Variants in NAV3 observed in about 807,000 individuals in gnomAD.
The protein encoded by NAV3 is neuron navigator 3.
NAV3 carries 87 observed loss-of-function variants against 244.7 expected under a neutral mutation model. The observed-to-expected ratio is 0.36, with a 90% CI of 0.30 to 0.42. The LOEUF (loss-of-function observed/expected upper bound fraction) is 0.42, where lower values mean the gene tolerates loss of function less well. Among genes scored for constraint, NAV3 ranks in the 20% least tolerant of loss-of-function variants. The pLI is 1.00. For synonymous variants in NAV3, 1,126 were observed against 1,042.2 expected (o/e 1.08, Z -1.55); for missense variants, 2,663 against 2,893.3 (o/e 0.92, Z 1.83).
At chr12:77,669,356 C>G (rs752804608) in intron 2 of NAV3, among the ~76,000 whole-genome samples, 1 of 152,060 alleles carries the variant, frequency 6.6e-6, no homozygotes, top group South Asian at 2.1e-4. Flanking sequence ...CATCTCCATA[C>G]TAACATTGAA....
chr12:77,682,352 A>C lies in NAV3; in HGVS notation c.72+110086A>C, dbSNP rs78432699. Among the ~76,000 whole-genome samples, 1,470 of 152,324 alleles carry C rather than the reference A, an allele frequency of 9.7e-3. 19 individuals carry two copies. Among genetic ancestry groups the C allele is most frequent in the Non-Finnish European group, 0.016 (1,084 of 68,028 alleles). ...AGAATTTCCTTCTTTTCAAAGGCTA[A>C]ATAGTATCCCATTGTGTATAGGTAT... On this transcript the variant is annotated intron_variant, in intron 2 of 8. Coordinates refer to the NAV3 transcript ENST00000550042.
intron 1 of NAV3, among the ~76,000 whole-genome samples, chr12:77,914,170 T>G (rs1486215202): frequency 1.3e-5 from 2 of 152,122 alleles, no homozygotes; most frequent in Non-Finnish European, 2.9e-5. Context: ...GTGCCAATTT[T>G]TAAACTGCCT....
chr12:77,848,921 C>T (rs921316911), intron 1 of NAV3, among the ~76,000 whole-genome samples: 1 of 152,114 alleles, frequency 6.6e-6, no homozygotes, highest in African/African-American at 2.4e-5. Context: ...TTCATATGTA[C>T]TTGAAAGAGA....
intron 2 of NAV3, among the ~76,000 whole-genome samples, chr12:77,665,734 G>T (rs1218307205): frequency 6.6e-6 from 1 of 152,072 alleles, no homozygotes. Flanking sequence ...CCTATTTATA[G>T]TTGAAGCAAC....
chr12:77,763,215 A>G (rs1003542599), intron 2 of NAV3, among the ~76,000 whole-genome samples: 2 of 152,146 alleles, frequency 1.3e-5, no homozygotes, highest in African/African-American at 4.8e-5. Context: ...TGCAAGGAAT[A>G]TTGGTCCCTT....
intron 5 of NAV3, among the ~76,000 whole-genome samples, chr12:77,976,666 C>CTT (rs1295751885): frequency 1.7e-4 from 10 of 58,060 alleles, no homozygotes; most frequent in Admixed American, 1.5e-3. Context: ...TTCTTTCTTT[C>CTT]TTTTTTTCTT....
chr12:77,932,968 C>T (rs1888955002), intron 1 of NAV3, among the ~76,000 whole-genome samples: 1 of 152,128 alleles, frequency 6.6e-6, no homozygotes, highest in South Asian at 2.1e-4. Context: ...TATGCTTTCC[C>T]CTTCCTTCTG....
intron 7 of NAV3, among the ~76,000 whole-genome samples, chr12:78,000,499 ATTTTT>A (rs1202996900): frequency 9.7e-6 from 1 of 103,294 alleles, no homozygotes; most frequent in Non-Finnish European, 1.9e-5. Flanking sequence ...CACTTAAAAC[ATTTTT>A]TTTTTTTTTT....
intron 12 of NAV3, among the ~76,000 whole-genome samples, chr12:78,067,528 C>A (rs1708919878): frequency 6.6e-6 from 1 of 152,036 alleles, no homozygotes; most frequent in African/African-American, 2.4e-5. Flanking sequence ...TTGTGAATAA[C>A]CTCAGAGGCT....
chr12:77,785,842 T>G (rs913285152), intron 2 of NAV3, among the ~76,000 whole-genome samples: 19 of 152,204 alleles, frequency 1.2e-4, no homozygotes, highest in African/African-American at 4.6e-4. Flanking sequence ...TGACATGCTT[T>G]GGAAACCCAA....
At chr12:78,169,673 T>A (rs1957923960) in intron 24 of NAV3, among the ~76,000 whole-genome samples, 1 of 151,770 alleles carries the variant, frequency 6.6e-6, no homozygotes. Context: ...AGTCTTTCAA[T>A]GTCTTCAGCC....
intron 1 of NAV3, among the ~76,000 whole-genome samples, chr12:77,938,126 G>C (rs1428233861): frequency 6.6e-6 from 1 of 152,082 alleles, no homozygotes; most frequent in Non-Finnish European, 1.5e-5. Flanking sequence ...TTTGCCTATG[G>C]ACAGATCGGC....
intron 2 of NAV3, among the ~76,000 whole-genome samples, chr12:77,780,791 TTAAG>T (rs1870626600): frequency 6.6e-6 from 1 of 152,138 alleles, no homozygotes; most frequent in South Asian, 2.1e-4. Flanking sequence ...GTAAGTTTTC[TTAAG>T]TAAGTTCTCT....
intron 2 of NAV3, among the ~76,000 whole-genome samples, chr12:77,639,607 C>T (rs1872307613): frequency 6.6e-6 from 1 of 152,088 alleles, no homozygotes; most frequent in African/African-American, 2.4e-5. Context: ...AAGGTACACA[C>T]ATTTATTATT....
intron 2 of NAV3, among the ~76,000 whole-genome samples, chr12:77,606,011 C>T (rs808856): frequency 0.041 from 6,279 of 152,162 alleles, 157 homozygotes; most frequent in Middle Eastern, 0.054. Context: ...ATTTTACTAC[C>T]TTGGTTTTTT....
At chr12:77,715,090 A>T (rs1050875792) in intron 2 of NAV3, among the ~76,000 whole-genome samples, 1 of 152,050 alleles carries the variant, frequency 6.6e-6, no homozygotes, top group African/African-American at 2.4e-5. Context: ...AGCAAGAACT[A>T]TAAAAACTTA....
intron 2 of NAV3, among the ~76,000 whole-genome samples, chr12:77,807,356 T>C (rs1872036215): frequency 6.6e-6 from 1 of 152,210 alleles, no homozygotes; most frequent in African/African-American, 2.4e-5. Flanking sequence ...CAGGAGCTCT[T>C]GTAAGACAGG....
In NAV3 at chr12:78,031,792, G is replaced by T. The variant is rs968827822; in HGVS notation, c.2023+9930G>T. ...GGAGATATACCTAATGCTAGATGAC[G>T]AGTTAGTGGGTGCAGCGCACCAGCA... On this transcript the variant is annotated intron_variant, in intron 9 of 39. Coordinates refer to ENST00000397909, the MANE Select transcript of NAV3 (RefSeq NM_001024383.2). Among the ~76,000 whole-genome samples the T allele has an allele frequency of 3.3e-5, 5 of 150,290 alleles. No homozygotes were observed. The South Asian group carries it at 6.3e-4, about 19-fold the overall frequency.
chr12:77,966,087 A>G (rs1224646830), intron 3 of NAV3, 142 bp from the exon 4 acceptor site: 2 of 728,558 alleles, frequency 2.7e-6, no homozygotes, highest in Non-Finnish European at 4.7e-6. Context: ...AAATAATTCT[A>G]GTTAAACTCT....
Sources: allele counts gnomAD v4.1 joint callset (sites outside exome capture counted in the v4.1 genomes callset), GRCh38; gene constraint gnomAD v4.1.1; transcripts MANE v1.5; gene names NCBI Gene and HGNC (gene_info 2026-07-23, HGNC 2026-07-21).